Variants in IGSF6 observed in about 807,000 individuals in gnomAD.
IGSF6 encodes the protein immunoglobulin superfamily member 6.
A neutral mutation model predicts 24.7 loss-of-function variants in IGSF6; 23 were observed. That is an observed-to-expected ratio of 0.93 (90% CI 0.67 to 1.32). IGSF6 has a LOEUF of 1.32. IGSF6 is among the 40% of genes most tolerant of loss of function. The pLI is 0.00. For missense variants in IGSF6, 295 were observed against 293.6 expected (o/e 1.00, Z -0.04); for synonymous variants, 110 against 113.7 (o/e 0.97, Z 0.21).
Position 21,652,551 on chromosome 16 carries a change from A to AT in IGSF6, c.47dup (p.Asn16LysfsTer30). On this transcript the variant is annotated frameshift_variant, in exon 1 of 6. Transcript: ENST00000268389. LOFTEE classifies it high-confidence loss of function. ...CCTTACCGACACAAAATAGAATGAGATTGGTTTGCAGATGGCGAGCGATGT... is the reference window on the plus strand; with the variant it reads ...CCTTACCGACACAAAATAGAATGAGATTTGGTTTGCAGATGGCGAGCGATGT... 6.2e-7 allele frequency: 1 copy of AT among 1,611,940 alleles called. No homozygotes were observed.
intron 2 of IGSF6, among the ~76,000 whole-genome samples, chr16:21,646,167 T>TC (rs397767681): frequency 2.6e-5 from 4 of 151,552 alleles, no homozygotes; most frequent in Non-Finnish European, 5.9e-5. Flanking sequence ...CCTTTTTTTT[T>TC]CTCGGGAATG....
intron 1 of IGSF6, among the ~76,000 whole-genome samples, chr16:21,651,361 C>A (rs1045611237): frequency 6.6e-6 from 1 of 152,178 alleles, no homozygotes. Context: ...GTGGCACAAT[C>A]ACAGCTCCCT....
intron 1 of IGSF6, among the ~76,000 whole-genome samples, chr16:21,647,706 C>T (rs963739869): frequency 1.2e-4 from 18 of 152,152 alleles, no homozygotes; most frequent in Non-Finnish European, 2.5e-4. Context: ...TGTCTGTTCA[C>T]TGGAGGCCAG....
At chr16:21,643,518 A>T (rs766059910) in intron 4 of IGSF6, 30 bp downstream of exon 4, 2 of 1,417,260 alleles carry the variant, frequency 1.4e-6, no homozygotes, top group South Asian at 1.2e-5. Flanking sequence ...GCCACAATTT[A>T]AAAAATATTT....
Position 21,647,389 on chromosome 16 carries a change from T to G in IGSF6, c.171A>C (p.Gly57=). Residue 57 remains glycine, a synonymous_variant, in exon 2 of 6, where the codon GGA becomes GGC. Coordinates refer to ENST00000268389, the MANE Select transcript of IGSF6 (RefSeq NM_005849.4). ...VTIKCTFSAT[G]CPSEQPTCLW... ...GGCATGTTGGTTGCTCAGAAGGGCA[T>G]CCGGTTGCGGAGAAGGTACACTTTA... 1 of 1,614,100 alleles carries G rather than the reference T, an allele frequency of 6.2e-7. No individual in the cohort carries two copies. Among genetic ancestry groups the G allele is most frequent in the Non-Finnish European group, 8.5e-7 (1 of 1,180,012 alleles).
rs1228744082 is a variant in IGSF6 at position 21,640,365 on chromosome 16, T to C, written c.*1169A>G. ...AAAGTAGCTTTCAAAGGACAATTTA[T>C]ATCATGTTTTCTTAGTGAAGTGGTA... On this transcript the variant is annotated 3_prime_UTR_variant, in exon 6 of 6. Coordinates refer to ENST00000268389, the MANE Select transcript of IGSF6 (RefSeq NM_005849.4). The C allele has an allele frequency of 6.6e-6, 1 of 152,066 alleles. No individual in the cohort carries two copies. The highest frequency in any genetic ancestry group is 2.4e-5 in the African/African-American group (1 of 41,372). The allele number at this position is 152,066 out of a possible 1,614,324, so 9.4% of individuals were successfully genotyped here. A position where few individuals can be genotyped will look rare whatever the true frequency, so the allele number is the denominator to read the frequency against.
At position 21,644,330 on chromosome 16, in the gene IGSF6, TAGAC is replaced by T. The variant is rs1966362901; in HGVS notation, c.490_493del (p.Val164MetfsTer2). The T allele has an allele frequency of 2.5e-6, 4 of 1,613,912 alleles. No homozygotes were observed. Among genetic ancestry groups the T allele is most frequent in the African/African-American group, 1.3e-5 (1 of 74,916 alleles). On this transcript the variant is annotated frameshift_variant, in exon 3 of 6. Coordinates refer to ENST00000268389, the MANE Select transcript of IGSF6 (RefSeq NM_005849.4). LOFTEE classifies it high-confidence loss of function. ...GAAGGCCACGCACACACCGGTCACA[TAGAC>T]AGAGAGCAGTGATACAAGAGCTGTC...
At chr16:21,641,723 G>A in intron 5 of IGSF6, 130 bp from the exon 6 acceptor site, 1 of 490,172 alleles carries the variant, frequency 2.0e-6, no homozygotes. Context: ...TAATCTTAAA[G>A]GCCAGATTAC....
At position 21,641,471 on chromosome 16, in the gene IGSF6, A is replaced by G; in HGVS notation, c.*63T>C. On this transcript the variant is annotated 3_prime_UTR_variant, in exon 6 of 6. Coordinates refer to ENST00000268389, the MANE Select transcript of IGSF6 (RefSeq NM_005849.4). ...TTTTAAGACCTGATGATATATGTTC[A>G]TTAACACTGCCATAGCTCCTGGAGT... The G allele has an allele frequency of 2.1e-6, 2 of 943,626 alleles. No homozygotes were observed. The highest frequency in any genetic ancestry group is 3.3e-6 in the Non-Finnish European group (2 of 600,758). 58.5% of individuals were successfully genotyped at this position (943,626 alleles called of 1,614,324 possible).
intron 1 of IGSF6, chr16:21,652,233 ATAAT>A (rs753958630): frequency 4.5e-5 from 11 of 242,842 alleles, no homozygotes; most frequent in Non-Finnish European, 7.8e-5. Context: ...AGTTTGTATG[ATAAT>A]TAAATTATTG....
At chr16:21,649,066 C>T (rs887572268) in intron 1 of IGSF6, among the ~76,000 whole-genome samples, 2 of 152,142 alleles carry the variant, frequency 1.3e-5, no homozygotes, top group African/African-American at 4.8e-5. Flanking sequence ...TCACGGCACA[C>T]TGCAACTGTG....
At chr16:21,643,750 C>G in intron 3 of IGSF6, 152 bp from the exon 4 acceptor site, 1 of 593,016 alleles carries the variant, frequency 1.7e-6, no homozygotes, top group South Asian at 2.3e-5. Flanking sequence ...GATGCTTTTA[C>G]TCCATTAAAA....
chr16:21,640,888 T>C lies in IGSF6; in HGVS notation c.*646A>G, dbSNP rs1235836443. 6.6e-6 allele frequency: 1 copy of C among 152,172 alleles called. No individual in the cohort carries two copies. Among genetic ancestry groups the C allele is most frequent in the Non-Finnish European group, 1.5e-5 (1 of 68,046 alleles). The allele number at this position is 152,172 out of a possible 1,614,324, so 9.4% of individuals were successfully genotyped here. A position where few individuals can be genotyped will look rare whatever the true frequency, so the allele number is the denominator to read the frequency against. On this transcript the variant is annotated 3_prime_UTR_variant, in exon 6 of 6. Transcript: ENST00000268389. Reference sequence around the variant, plus strand: ...CACAACACTGACATCTAGAGTCCGTTGTGGCTTATTTGTTCTGAAGTTACC... The same window carrying C: ...CACAACACTGACATCTAGAGTCCGTCGTGGCTTATTTGTTCTGAAGTTACC...
At chr16:21,649,604 C>G (rs1399144799) in intron 1 of IGSF6, among the ~76,000 whole-genome samples, 1 of 152,216 alleles carries the variant, frequency 6.6e-6, no homozygotes, top group Non-Finnish European at 1.5e-5. Context: ...TCTGCCAAAA[C>G]TTAGCAAAGT....
chr16:21,646,005 G>A (rs1002650199), intron 2 of IGSF6, among the ~76,000 whole-genome samples: 5 of 152,130 alleles, frequency 3.3e-5, no homozygotes, highest in African/African-American at 1.2e-4. Context: ...TTTTGAAATC[G>A]AAGGGCTGGT....
At chr16:21,646,054 T>C (rs1312694602) in intron 2 of IGSF6, among the ~76,000 whole-genome samples, 1 of 152,208 alleles carries the variant, frequency 6.6e-6, no homozygotes, top group Non-Finnish European at 1.5e-5. Context: ...CTGCTCATCA[T>C]ACCAGGGTCC....
chr16:21,643,073 C>T lies in IGSF6; in HGVS notation c.666+1G>A. On this transcript the variant is annotated splice_donor_variant, in intron 5 of 5. Transcript: ENST00000268389. LOFTEE classifies it high-confidence loss of function. ...ATTTTTTTTTGACATTTTACACTTA[C>T]AGATTGCTGATTTGTTTCCACATGT... is the stretch of plus-strand genomic sequence containing the variant. 6.3e-7 allele frequency: 1 copy of T among 1,592,286 alleles called. No individual in the cohort carries two copies. Among genetic ancestry groups the T allele is most frequent in the Non-Finnish European group, 8.6e-7 (1 of 1,163,648 alleles).
At chr16:21,641,820 C>T (rs1276847460) in intron 5 of IGSF6, among the ~76,000 whole-genome samples, 1 of 151,944 alleles carries the variant, frequency 6.6e-6, no homozygotes, top group Non-Finnish European at 1.5e-5. Context: ...AAAATCGTGG[C>T]TGGGAGCTTT....
rs1292618708 is a variant in IGSF6, at chr16:21,649,964, C to G, written c.68-2472G>C. ...GCTCAAGCAATCCACTCGCCTCAGC[C>G]TTCCAAATTGGGTAGTGTTTTTAAA... On this transcript the variant is annotated intron_variant, in intron 1 of 5. Transcript: ENST00000268389. Among the ~76,000 whole-genome samples, 4 of 152,122 alleles carry G rather than the reference C, an allele frequency of 2.6e-5. 1 individual carries two copies. The highest frequency in any genetic ancestry group is 2.0e-4 in the Admixed American group (3 of 15,268).
Sources: allele counts gnomAD v4.1 joint callset (sites outside exome capture counted in the v4.1 genomes callset), GRCh38; gene constraint gnomAD v4.1.1; transcripts MANE v1.5; gene names NCBI Gene and HGNC (gene_info 2026-07-23, HGNC 2026-07-21).